GPR149: variants seen among roughly 807,000 people sequenced by gnomAD.
GPR149 encodes probable G protein-coupled receptor 149.
In GPR149, 50 loss-of-function variants were observed where a neutral mutation model predicts 50.2. That is an observed-to-expected ratio of 1.00 (90% confidence interval 0.79 to 1.26). The LOEUF is 1.26. GPR149 is among the 50% of genes most tolerant of loss of function. The pLI is 0.00. For missense variants in GPR149, 983 were observed against 895.4 expected (o/e 1.10, Z -1.25); for synonymous variants, 405 against 358.2 (o/e 1.13, Z -1.48).
intron 3 of GPR149, among the ~76,000 whole-genome samples, chr3:154,405,585 C>CAAAAAAAAAAAAAAAAAAAAAA (rs33943436): frequency 1.2e-5 from 1 of 83,484 alleles, no homozygotes; most frequent in African/African-American, 5.2e-5. Context: ...AAGACTCCAT[C>CAAAAAAAAAAAAAAAAAAAAAA]AAAAAAAAAA....
At chr3:154,386,386 A>T (rs1487956741) in intron 3 of GPR149, among the ~76,000 whole-genome samples, 2 of 152,236 alleles carry the variant, frequency 1.3e-5, no homozygotes, top group African/African-American at 4.8e-5. Context: ...CAGCCTGACG[A>T]ATTCCCACCA....
In GPR149 at chr3:154,427,723, G is replaced by T. The variant is rs779427290; in HGVS notation, c.982-15C>A. On this transcript the variant is annotated splice_polypyrimidine_tract_variant and intron_variant, in intron 1 of 3. Transcript: ENST00000389740. The stretch of plus-strand genomic sequence containing the variant: ...ACCATGTGCATCTGCAAGGGCAAGA[G>T]AACTTCAGACCTAACCTAAAATTAT... 1.2e-6 allele frequency: 2 copies of T among 1,604,180 alleles called. No homozygotes were observed. Among genetic ancestry groups the T allele is most frequent in the South Asian group, 2.2e-5 (2 of 89,562 alleles).
chr3:154,392,228 T>C (rs998422154), intron 3 of GPR149, among the ~76,000 whole-genome samples: 1 of 151,772 alleles, frequency 6.6e-6, no homozygotes, highest in Non-Finnish European at 1.5e-5. Flanking sequence ...CCAATCACAA[T>C]AGAATAAAAC....
At chr3:154,341,273 A>T (rs890273602) in intron 3 of GPR149, among the ~76,000 whole-genome samples, 4 of 137,114 alleles carry the variant, frequency 2.9e-5, no homozygotes, top group African/African-American at 1.1e-4. Flanking sequence ...CTGTGCAAAA[A>T]ATCAAGAAAA....
At chr3:154,344,226 TAA>T (rs1713871657) in intron 3 of GPR149, among the ~76,000 whole-genome samples, 1 of 152,118 alleles carries the variant, frequency 6.6e-6, no homozygotes, top group Non-Finnish European at 1.5e-5. Context: ...GAAGTTCAAA[TAA>T]AGAGTCTCAT....
chr3:154,420,120 T>C (rs1395480922), intron 3 of GPR149, among the ~76,000 whole-genome samples: 2 of 152,032 alleles, frequency 1.3e-5, no homozygotes, highest in Non-Finnish European at 2.9e-5. Context: ...GATCATACTT[T>C]TGATCAATGA....
At chr3:154,422,074 T>G (rs1712164112) in intron 2 of GPR149, among the ~76,000 whole-genome samples, 1 of 151,644 alleles carries the variant, frequency 6.6e-6, no homozygotes, top group Non-Finnish European at 1.5e-5. Context: ...AACATGTACA[T>G]TTCTGATACA....
At chr3:154,427,472 C>G (rs774559315) in intron 2 of GPR149, 44 bp downstream of exon 2, 2 of 1,534,858 alleles carry the variant, frequency 1.3e-6, no homozygotes, top group African/African-American at 2.7e-5. Context: ...CTGAAAGTCA[C>G]CTAATGCATA....
chr3:154,370,757 GA>G (rs1262807530), intron 3 of GPR149, among the ~76,000 whole-genome samples: 2 of 152,156 alleles, frequency 1.3e-5, no homozygotes, highest in East Asian at 3.9e-4. Context: ...TGCCCTGAAC[GA>G]CTGTCCTCAA....
At chr3:154,398,201 C>A (rs1715338894) in intron 3 of GPR149, among the ~76,000 whole-genome samples, 1 of 152,130 alleles carries the variant, frequency 6.6e-6, no homozygotes, top group African/African-American at 2.4e-5. Context: ...AAAACATCTT[C>A]CCTGACTATC....
intron 3 of GPR149, among the ~76,000 whole-genome samples, chr3:154,355,265 A>T (rs1044433901): frequency 1.3e-5 from 2 of 152,156 alleles, no homozygotes; most frequent in Non-Finnish European, 2.9e-5. Context: ...TGACCTCGTG[A>T]TCCACCCACC....
At chr3:154,349,439 G>T (rs1329965222) in intron 3 of GPR149, among the ~76,000 whole-genome samples, 1 of 152,128 alleles carries the variant, frequency 6.6e-6, no homozygotes, top group Non-Finnish European at 1.5e-5. Context: ...GCCATCGAAA[G>T]TACCATAAGG....
At chr3:154,396,064 T>A (rs1022915968) in intron 3 of GPR149, among the ~76,000 whole-genome samples, 6 of 151,994 alleles carry the variant, frequency 3.9e-5, no homozygotes, top group African/African-American at 1.4e-4. Flanking sequence ...TCCAAACAGA[T>A]TTTTTTTAAC....
rs368686839 is a variant in GPR149, at chr3:154,406,332, G to A, written c.1623+14707C>T. 3.9e-5 allele frequency among the ~76,000 whole-genome samples: 6 copies of A among 152,052 alleles called. 1 individual carries two copies. The South Asian group carries it at 8.3e-4, about 21-fold the overall frequency. On this transcript the variant is annotated intron_variant, in intron 3 of 3. Transcript: ENST00000389740. ...CACATTGCTGGTGGGAGTAGAAACT[G>A]GTATAACCTTCTAGAGGGGTATTTG...
At chr3:154,380,669 C>T in intron 3 of GPR149, among the ~76,000 whole-genome samples, 1 of 151,728 alleles carries the variant, frequency 6.6e-6, no homozygotes, top group Middle Eastern at 3.2e-3. Flanking sequence ...CTGCCAATAT[C>T]CAACTCTATA....
At chr3:154,366,038 G>T (rs781573777) in intron 3 of GPR149, among the ~76,000 whole-genome samples, 22 of 152,070 alleles carry the variant, frequency 1.4e-4, no homozygotes, top group Non-Finnish European at 2.6e-4. Flanking sequence ...TCAGGTATTT[G>T]TTATAACAAT....
intron 3 of GPR149, among the ~76,000 whole-genome samples, chr3:154,383,922 G>C (rs1288665035): frequency 6.6e-6 from 1 of 152,126 alleles, no homozygotes; most frequent in Admixed American, 6.5e-5. Flanking sequence ...CTAAAAAGCA[G>C]ACCTTTACCA....
chr3:154,354,829 T>C, intron 3 of GPR149: 1 of 432,644 alleles, frequency 2.3e-6, no homozygotes, highest in Non-Finnish European at 3.7e-6. Context: ...CCACGCACAG[T>C]GGCCACAACT....
At chr3:154,357,754 T>C (rs1444140393) in intron 3 of GPR149, among the ~76,000 whole-genome samples, 1 of 152,192 alleles carries the variant, frequency 6.6e-6, no homozygotes, top group African/African-American at 2.4e-5. Flanking sequence ...CATCTAGAAC[T>C]AGAAATACCA....
Sources: gnomAD v4.1 joint callset for allele counts (sites outside exome capture counted in the v4.1 genomes callset) on GRCh38, gnomAD v4.1.1 for gene constraint, MANE v1.5 for transcripts, NCBI Gene and HGNC (gene_info 2026-07-23, HGNC 2026-07-21) for gene names.